Variants in OR56A3 observed in about 807,000 individuals in gnomAD.
The protein encoded by OR56A3 is olfactory receptor 56A3.
Under a neutral mutation model 17.5 loss-of-function variants are expected in OR56A3, and 23 were observed. The ratio of observed to expected loss-of-function variants is 1.32; its 90% CI spans 0.95 to 1.87. The LOEUF (loss-of-function observed/expected upper bound fraction) is 1.87, where lower values mean the gene tolerates loss of function less well. OR56A3 is among the 40% of genes most tolerant of loss of function. OR56A3 has a pLI of 0.00. For missense variants in OR56A3, 366 were observed against 380.1 expected (o/e 0.96, Z 0.31); for synonymous variants, 175 against 150.6 (o/e 1.16, Z -1.19).
the OR56A3 span, among the ~76,000 whole-genome samples, chr11:6,015,483 C>T: frequency 6.6e-6 from 1 of 152,232 alleles, no homozygotes; most frequent in South Asian, 2.1e-4. Flanking sequence ...CCACCATCCT[C>T]CAGATTCTGG....
the OR56A3 span, chr11:5,986,429 C>A: frequency 6.2e-7 from 1 of 1,613,958 alleles, no homozygotes; most frequent in South Asian, 1.1e-5. Flanking sequence ...AATCCCCTCA[C>A]CAGCACCACC....
At chr11:5,977,441 A>G in the OR56A3 span, among the ~76,000 whole-genome samples, 1 of 152,048 alleles carries the variant, frequency 6.6e-6, no homozygotes, top group African/African-American at 2.4e-5. Context: ...TGTGGTTTTG[A>G]TTTTCACTTC....
At chr11:6,017,427 C>T in the OR56A3 span, among the ~76,000 whole-genome samples, 107,140 of 152,048 alleles carry the variant, frequency 0.7, 38,027 homozygotes, top group East Asian at 0.94. Flanking sequence ...AGAAAAGCAT[C>T]AAGTCACATC....
chr11:6,018,639 T>G, the OR56A3 span, among the ~76,000 whole-genome samples: 2 of 151,842 alleles, frequency 1.3e-5, no homozygotes, highest in African/African-American at 4.8e-5. Flanking sequence ...CTCAAGAAAT[T>G]AGAGTAGCAA....
the OR56A3 span, among the ~76,000 whole-genome samples, chr11:5,977,155 A>T: frequency 3.5e-4 from 54 of 152,284 alleles, no homozygotes; most frequent in African/African-American, 1.3e-3. Context: ...TGCTATTGTG[A>T]ATAGTGCTCC....
At chr11:5,982,544 A>T in the OR56A3 span, among the ~76,000 whole-genome samples, 1 of 152,038 alleles carries the variant, frequency 6.6e-6, no homozygotes, top group Non-Finnish European at 1.5e-5. Context: ...AGGCTGGCAG[A>T]CAGGGCAGCA....
In OR56A3 at chr11:5,942,541, TCAAC is replaced by T. The variant is rs1450156901; in HGVS notation, c.-314+168_-314+171del. ...GCCAAGTAAAGAAAATTTGGAGTTT[TCAAC>T]TCTGAATATGGAAATTTAGTGGCTT... On this transcript the variant is annotated intron_variant, in intron 1 of 2. Transcript: ENST00000641160. Among the ~76,000 whole-genome samples the T allele has an allele frequency of 2.2e-4, 33 of 152,200 alleles. 1 individual carries two copies. The highest frequency in any genetic ancestry group is 7.7e-4 in the African/African-American group (32 of 41,446).
At chr11:5,968,544 G>T in the OR56A3 span, 2 of 1,255,634 alleles carry the variant, frequency 1.6e-6, no homozygotes, top group South Asian at 1.3e-5. Flanking sequence ...TGTTTGATAA[G>T]ACACAGGAAT....
chr11:5,970,688 G>GA, the OR56A3 span, among the ~76,000 whole-genome samples: 37 of 142,922 alleles, frequency 2.6e-4, no homozygotes, highest in East Asian at 1.0e-3. Context: ...TGATAAAAAG[G>GA]AAAAAAAAAA....
chr11:5,983,617 A>G, the OR56A3 span, among the ~76,000 whole-genome samples: 1 of 152,140 alleles, frequency 6.6e-6, no homozygotes, highest in Non-Finnish European at 1.5e-5. Context: ...TACACTTTAT[A>G]CTTCCACAGA....
At chr11:5,968,505 C>T in the OR56A3 span, 3 of 1,534,288 alleles carry the variant, frequency 2.0e-6, no homozygotes, top group African/African-American at 2.8e-5. Context: ...GAAATAAATC[C>T]TCAGCTGAGA....
the OR56A3 span, chr11:6,001,963 T>C: frequency 1.5e-6 from 2 of 1,361,150 alleles, no homozygotes; most frequent in East Asian, 4.7e-5. Context: ...TAAAGTGAAA[T>C]TTCCTTTCCA....
the OR56A3 span, among the ~76,000 whole-genome samples, chr11:5,957,585 G>C: frequency 1.3e-5 from 2 of 152,276 alleles, no homozygotes; most frequent in Non-Finnish European, 2.9e-5. Context: ...AAAAGGACAT[G>C]AGCAATATAC....
At chr11:6,012,048 A>G in the OR56A3 span, among the ~76,000 whole-genome samples, 3 of 152,212 alleles carry the variant, frequency 2.0e-5, no homozygotes, top group African/African-American at 4.8e-5. Context: ...GGCTCCCGAA[A>G]GGGCTGTAGC....
Position 5,947,580 on chromosome 11 carries a change from C to A in OR56A3, c.234C>A (p.Cys78Ter), listed in dbSNP as rs1325139913. ...SLLSLLDIVL[C>*]LTVIPKVLTI... ...TCTCCCTGCTGGACATCGTGCTCTG[C>A]CTCACTGTCATCCCCAAGGTCCTGA... Residue 78 changes from cysteine (C) to a stop codon, truncating the protein, a stop_gained, in exon 3 of 3, where the codon TGC becomes TGA. Transcript: ENST00000641160. LOFTEE classifies it high-confidence loss of function. 2 of 1,614,188 alleles carry A rather than the reference C, an allele frequency of 1.2e-6. No homozygotes were observed. Among genetic ancestry groups the A allele is most frequent in the South Asian group, 2.2e-5 (2 of 91,076 alleles).
At chr11:6,021,876 G>A in the OR56A3 span, 4 of 152,002 alleles carry the variant, frequency 2.6e-5, no homozygotes, top group Admixed American at 1.3e-4. Context: ...AAGCATTCTC[G>A]CATTACTATT....
downstream of OR56A3, among the ~76,000 whole-genome samples, chr11:5,955,847 C>A (rs1290116141): frequency 6.6e-6 from 1 of 152,162 alleles, no homozygotes; most frequent in Non-Finnish European, 1.5e-5. Context: ...TTGGATAAAG[C>A]ACAGCAAGAA....
At chr11:5,951,467 A>G (rs1590447981), downstream of OR56A3, 2 of 152,110 alleles carry the variant, frequency 1.3e-5, no homozygotes, top group African/African-American at 4.8e-5. Context: ...TTATAAATAT[A>G]TATAAATAAA....
the OR56A3 span, chr11:6,006,365 G>T: frequency 1.3e-5 from 2 of 152,118 alleles, no homozygotes; most frequent in Non-Finnish European, 2.9e-5. Context: ...CATTGTTTTC[G>T]ATCTTCAGTA....
Sources: allele counts gnomAD v4.1 joint callset (sites outside exome capture counted in the v4.1 genomes callset), GRCh38; gene constraint gnomAD v4.1.1; transcripts MANE v1.5; gene names NCBI Gene and HGNC (gene_info 2026-07-23, HGNC 2026-07-21).